The following CCSER1 variants were observed in gnomAD, a reference collection of about 807,000 sequenced individuals.
CCSER1 encodes the protein serine-rich coiled-coil domain-containing protein 1.
A neutral mutation model predicts 82.0 loss-of-function variants in CCSER1; 41 were observed. The ratio of observed to expected loss-of-function variants is 0.50; its 90% CI spans 0.39 to 0.65. The LOEUF is 0.65. CCSER1 is among the 30% of genes least tolerant of loss of function. CCSER1 has a pLI of 0.00. For synonymous variants in CCSER1, 414 were observed against 383.9 expected, an observed-to-expected ratio of 1.08 and a Z score of -0.92; for missense variants, 1,119 against 1,064.2, an observed-to-expected ratio of 1.05 and a Z score of -0.72.
chr4:90,769,960 T>G (rs1751824236), intron 7 of CCSER1, among the ~76,000 whole-genome samples: 1 of 152,208 alleles, frequency 6.6e-6, no homozygotes. Context: ...CTATGTTTAT[T>G]AGCTTCTAAC....
chr4:90,723,951 T>C lies in CCSER1; in HGVS notation c.1970T>C (p.Leu657Pro). 1.3e-6 allele frequency: 2 copies of C among 1,584,588 alleles called. No individual in the cohort carries two copies. The highest frequency in any genetic ancestry group is 1.7e-6 in the Non-Finnish European group (2 of 1,163,734). Residue 657 changes from leucine to proline, a missense_variant, in exon 7 of 11, where the codon CTT becomes CCT. Physicochemically the swap from Leu to Pro is moderately conservative, Grantham distance 98. Transcript: ENST00000509176. ...AGTCCAGCAAGCAGTACCACGTCACTTCCTGTTAGTCCTCTTACTGAAGAG... is the reference window on the plus strand; with the variant it reads ...AGTCCAGCAAGCAGTACCACGTCACCTCCTGTTAGTCCTCTTACTGAAGAG... ...DMSPASSTTS[L>P]PVSPLTEEPV...
At chr4:90,278,222 A>C (rs983437114) in intron 1 of CCSER1, among the ~76,000 whole-genome samples, 2 of 152,078 alleles carry the variant, frequency 1.3e-5, no homozygotes, top group Non-Finnish European at 2.9e-5. Flanking sequence ...CACATACACT[A>C]TTGGTGGGAA....
intron 10 of CCSER1, among the ~76,000 whole-genome samples, chr4:91,223,195 A>C (rs1737886501): frequency 6.6e-6 from 1 of 152,194 alleles, no homozygotes; most frequent in South Asian, 2.1e-4. Context: ...AAAATGTAAA[A>C]ATATATCAAG....
At chr4:91,442,655 CA>C (rs1755258157) in intron 10 of CCSER1, among the ~76,000 whole-genome samples, 2 of 134,602 alleles carry the variant, frequency 1.5e-5, no homozygotes, top group East Asian at 4.5e-4. Context: ...TTCTGCACAG[CA>C]AAAGAAACTA....
At chr4:91,343,052 CTG>C (rs1560600577) in intron 10 of CCSER1, among the ~76,000 whole-genome samples, 1 of 151,982 alleles carries the variant, frequency 6.6e-6, no homozygotes, top group African/African-American at 2.4e-5. Flanking sequence ...TGGTTGAAAT[CTG>C]TGTTATATAA....
chr4:91,489,157 G>A (rs72882753), intron 10 of CCSER1, among the ~76,000 whole-genome samples: 13 of 152,264 alleles, frequency 8.5e-5, no homozygotes, highest in African/African-American at 2.9e-4. Flanking sequence ...ATGCTTGAAA[G>A]TCCTTTTGGA....
chr4:91,013,127 C>T (rs1239902904), intron 9 of CCSER1, among the ~76,000 whole-genome samples: 6 of 134,374 alleles, frequency 4.5e-5, no homozygotes, highest in African/African-American at 7.4e-5. Context: ...GTCAAGGGAA[C>T]GAAAGATAAG....
chr4:90,251,260 G>A (rs1022467849), intron 1 of CCSER1, among the ~76,000 whole-genome samples: 2 of 151,646 alleles, frequency 1.3e-5, no homozygotes, highest in Admixed American at 6.6e-5. Context: ...AGAATGTTCG[G>A]TATAATAATG....
intron 7 of CCSER1, among the ~76,000 whole-genome samples, chr4:90,734,093 T>C (rs1745246180): frequency 6.6e-6 from 1 of 151,234 alleles, no homozygotes; most frequent in Non-Finnish European, 1.5e-5. Context: ...AGATTGCTAT[T>C]TTTATTTTTA....
At chr4:91,181,842 T>G (rs1345087055) in intron 10 of CCSER1, among the ~76,000 whole-genome samples, 1 of 152,228 alleles carries the variant, frequency 6.6e-6, no homozygotes, top group African/African-American at 2.4e-5. Flanking sequence ...AGATTTATTA[T>G]GGTAAATACT....
At chr4:90,688,136 G>T (rs545694018) in intron 6 of CCSER1, among the ~76,000 whole-genome samples, 2 of 152,232 alleles carry the variant, frequency 1.3e-5, no homozygotes, top group South Asian at 4.1e-4. Context: ...TTCAACTCTG[G>T]AGTCTACCTA....
At chr4:91,038,003 A>G (rs1261118266) in intron 9 of CCSER1, among the ~76,000 whole-genome samples, 2 of 152,182 alleles carry the variant, frequency 1.3e-5, no homozygotes, top group African/African-American at 4.8e-5. Flanking sequence ...TGTAATTAAG[A>G]GACCAAATGA....
intron 10 of CCSER1, among the ~76,000 whole-genome samples, chr4:91,123,208 T>C (rs1284063675): frequency 6.6e-6 from 1 of 151,768 alleles, no homozygotes; most frequent in East Asian, 1.9e-4. Flanking sequence ...TAGCATAGTT[T>C]TCATTTAATC....
rs1390226596 is a variant in CCSER1 at position 90,557,719 on chromosome 4, A to C, written c.1725-70306A>C. Among the ~76,000 whole-genome samples the C allele has an allele frequency of 2.6e-5, 4 of 152,130 alleles. No individual in the cohort carries two copies. The South Asian group carries it at 8.3e-4, about 31-fold the overall frequency. Reference sequence around the variant, plus strand: ...TCATTATTTCCCTTCTTGGAAGGACAGTCTAGCAAACTCTGAAGGTGTTTC... The same window carrying C: ...TCATTATTTCCCTTCTTGGAAGGACCGTCTAGCAAACTCTGAAGGTGTTTC... On this transcript the variant is annotated intron_variant, in intron 5 of 10. Transcript: ENST00000509176.
At position 90,570,100 on chromosome 4, in the gene CCSER1, C is replaced by G. The variant is rs146654459; in HGVS notation, c.1725-57925C>G. ...AGCATGAACAAGGACGATGACCTCC[C>G]CTCTCCCCAGCTCTAAGAATACAGA... On this transcript the variant is annotated intron_variant, in intron 5 of 10. Coordinates refer to ENST00000509176, the MANE Select transcript of CCSER1 (RefSeq NM_001145065.2). 5.8e-4 allele frequency among the ~76,000 whole-genome samples: 88 copies of G among 152,288 alleles called. No homozygotes were observed. In the East Asian group the frequency reaches 0.014, roughly 25 times the overall value.
intron 10 of CCSER1, among the ~76,000 whole-genome samples, chr4:91,164,505 G>C (rs1024143847): frequency 9.9e-5 from 15 of 152,104 alleles, no homozygotes; most frequent in Non-Finnish European, 1.9e-4. Context: ...AGTTCTCCTG[G>C]ATAATATCCT....
Position 91,527,360 on chromosome 4 carries a change from T to G in CCSER1, c.2218-71212T>G, listed in dbSNP as rs543350229. 6.6e-5 allele frequency among the ~76,000 whole-genome samples: 10 copies of G among 152,324 alleles called. No homozygotes were observed. The East Asian group carries it at 1.9e-3, about 29-fold the overall frequency. ...AAAACAATTTTACTTTCACTACTGA[T>G]AGTAGAAGTCTCTAAAGGTCACTGA... On this transcript the variant is annotated intron_variant, in intron 10 of 10. Transcript: ENST00000509176.
At chr4:90,611,092 T>G (rs1785438505) in intron 5 of CCSER1, among the ~76,000 whole-genome samples, 1 of 114,860 alleles carries the variant, frequency 8.7e-6, no homozygotes. Flanking sequence ...AGAGATAGAG[T>G]TTTACCATGT....
chr4:90,624,145 A>G (rs987135034), intron 5 of CCSER1, among the ~76,000 whole-genome samples: 3 of 152,228 alleles, frequency 2.0e-5, no homozygotes, highest in African/African-American at 7.2e-5. Flanking sequence ...TTCAGAAATC[A>G]CAGTTACATT....
Sources: gnomAD v4.1 joint callset for allele counts (sites outside exome capture counted in the v4.1 genomes callset) on GRCh38, gnomAD v4.1.1 for gene constraint, MANE v1.5 for transcripts, NCBI Gene and HGNC (gene_info 2026-07-23, HGNC 2026-07-21) for gene names.